STAT6: variants seen among roughly 807,000 people sequenced by gnomAD.
The protein encoded by STAT6 is signal transducer and activator of transcription 6, also known as STAT, interleukin4-induced.
A neutral mutation model predicts 106.3 loss-of-function variants in STAT6; 45 were observed. The observed-to-expected ratio is 0.42, with a 90% confidence interval of 0.33 to 0.54. The LOEUF (loss-of-function observed/expected upper bound fraction) is 0.54, where lower values mean the gene tolerates loss of function less well. Among genes scored for constraint, STAT6 ranks in the 20% least tolerant of loss-of-function variants. The pLI, the probability that STAT6 is intolerant of heterozygous loss-of-function variation, is 0.06. For missense variants in STAT6, 797 were observed against 1,062.2 expected (o/e 0.75, Z 3.47); for synonymous variants, 413 against 413.6 (o/e 1.00, Z 0.02).
Position 57,098,547 on chromosome 12 carries a change from AG to A in STAT6, c.2116del (p.Leu706SerfsTer27). 1 of 1,614,054 alleles carries A rather than the reference AG, an allele frequency of 6.2e-7. No individual in the cohort carries two copies. The highest frequency in any genetic ancestry group is 8.5e-7 in the Non-Finnish European group (1 of 1,180,024). On this transcript the variant is annotated frameshift_variant, in exon 19 of 22. Transcript: ENST00000300134. LOFTEE classifies it high-confidence loss of function. ...CACGTTGACTGATTCTTCTGGGGAG[AG>A]GCCTTGATACGGGGGGATGGAGTGA... Reference protein sequence around the residue: ...HSHSIPPYQGLSPEESVNVLS... With the variant: ...HSHSIPPYQGXSPEESVNVLS...
At position 57,100,644 on chromosome 12, in the gene STAT6, GAAAGAAAGAA is replaced by G. The variant is rs767148879; in HGVS notation, c.1513-564_1513-555del. On this transcript the variant is annotated intron_variant, in intron 13 of 21. Transcript: ENST00000300134. ...AAAAAGAGAGAAAGAGAAAGAGAAA[GAAAGAAAGAA>G]AGAAAGAAAGAAAGAAAGAAAGAAA... Among the ~76,000 whole-genome samples, 19 of 80,976 alleles carry G rather than the reference GAAAGAAAGAA, an allele frequency of 2.3e-4. 1 individual carries two copies. Among genetic ancestry groups the G allele is most frequent in the East Asian group, 6.9e-4 (2 of 2,898 alleles). 53.1% of individuals were successfully genotyped at this position (80,976 alleles called of 152,430 possible).
At chr12:57,097,577 A>G (rs2033528801) in intron 19 of STAT6, among the ~76,000 whole-genome samples, 1 of 152,232 alleles carries the variant, frequency 6.6e-6, no homozygotes, top group Non-Finnish European at 1.5e-5. Flanking sequence ...AATAACAGTC[A>G]TGCACCACAT....
chr12:57,102,263 G>A (rs765697433), intron 13 of STAT6, 27 bp downstream of exon 13: 2 of 1,612,242 alleles, frequency 1.2e-6, no homozygotes, highest in Admixed American at 1.7e-5. Flanking sequence ...GCTTGGGGGT[G>A]GGAGGTCCAA....
At chr12:57,100,712 A>AAGAAAGAAAG (rs2033850111) in intron 13 of STAT6, 1 of 60,012 alleles carries the variant, frequency 1.7e-5, no homozygotes, top group East Asian at 4.0e-4. Flanking sequence ...GAAAGAAAGA[A>AAGAAAGAAAG]AGAAAGAAAG....
rs1224577652 is a variant in STAT6 at position 57,107,700 on chromosome 12, T to C, written c.160A>G (p.Ser54Gly). ...GSDAFCCNLA[S>G]ALLSDTVQHL... ...TGGACAGTGTCTGAAAGTAGGGCAC[T>C]AGCCAAGTTGCAGCAGAAGGCGTCG... is the stretch of plus-strand genomic sequence containing the variant. Residue 54 changes from serine (S) to glycine (G), a missense_variant, in exon 3 of 22, where the codon AGT becomes GGT. Coordinates refer to ENST00000300134, the MANE Select transcript of STAT6 (RefSeq NM_003153.5). 2 of 1,613,942 alleles carry C rather than the reference T, an allele frequency of 1.2e-6. No homozygotes were observed. The highest frequency in any genetic ancestry group is 2.7e-5 in the African/African-American group (2 of 74,934).
At position 57,099,759 on chromosome 12, in the gene STAT6, G is replaced by A; in HGVS notation, c.1744+8C>T. 6.2e-7 allele frequency: 1 copy of A among 1,612,290 alleles called. No homozygotes were observed. Among genetic ancestry groups the A allele is most frequent in the Non-Finnish European group, 8.5e-7 (1 of 1,179,388 alleles). ...ACAGAGACAGAGGACTGGCTGGGGT[G>A]GCCTCACCATCCTGGCCCCGGATGA... On this transcript the variant is annotated splice_region_variant and intron_variant, in intron 15 of 21. Coordinates refer to ENST00000300134, the MANE Select transcript of STAT6 (RefSeq NM_003153.5). The surrounding 1 kb of genome is among the most constrained non-coding windows in gnomAD (Gnocchi z 4.7).
chr12:57,109,123 A>G (rs1416031514), intron 1 of STAT6, among the ~76,000 whole-genome samples: 1 of 152,126 alleles, frequency 6.6e-6, no homozygotes, highest in South Asian at 2.1e-4. Flanking sequence ...AATGGCGTGA[A>G]CCTGGGGGGC....
intron 19 of STAT6, 123 bp downstream of exon 19, chr12:57,098,378 TGGAC>T: frequency 1.1e-6 from 1 of 950,464 alleles, no homozygotes. Flanking sequence ...CTCATTAGAG[TGGAC>T]AGAAGAGAAG....
intron 11 of STAT6, 185 bp from the exon 12 acceptor site, chr12:57,103,106 C>T (rs1810459392): frequency 2.0e-6 from 1 of 502,884 alleles, no homozygotes; most frequent in Non-Finnish European, 3.4e-6. Context: ...AGTGATCCTT[C>T]CACCTCAGCC....
intron 9 of STAT6, 46 bp downstream of exon 9, chr12:57,105,105 T>A (rs767830696): frequency 1.9e-6 from 3 of 1,567,244 alleles, no homozygotes; most frequent in Non-Finnish European, 2.6e-6. Context: ...GCTGCCTCCA[T>A]CACCCTAACA....
intron 12 of STAT6, 65 bp downstream of exon 12, chr12:57,102,764 T>C: frequency 7.4e-7 from 1 of 1,351,570 alleles, no homozygotes; most frequent in Non-Finnish European, 1.1e-6. Flanking sequence ...TCAGCAGGCC[T>C]GCACCACTGC....
At chr12:57,107,478 A>G (rs1397193162) in intron 3 of STAT6, 127 bp downstream of exon 3, 2 of 1,359,854 alleles carry the variant, frequency 1.5e-6, no homozygotes, top group African/African-American at 2.9e-5. Context: ...TTTGCCTGCT[A>G]GCTAGCAGTT....
intron 7 of STAT6, 41 bp downstream of exon 7, chr12:57,106,150 C>T (rs1288074808): frequency 6.2e-7 from 1 of 1,610,388 alleles, no homozygotes; most frequent in Non-Finnish European, 8.5e-7. Flanking sequence ...CAGCTGCCCA[C>T]CCCCAGCTTG....
chr12:57,107,105 C>A, intron 4 of STAT6, 126 bp downstream of exon 4: 7 of 1,130,266 alleles, frequency 6.2e-6, no homozygotes, highest in Non-Finnish European at 7.9e-6. Flanking sequence ...CTAGGAACCT[C>A]CTTTGGTCAT....
intron 19 of STAT6, 105 bp downstream of exon 19, chr12:57,098,400 G>C (rs2033590249): frequency 1.8e-6 from 2 of 1,119,196 alleles, no homozygotes; most frequent in Non-Finnish European, 2.7e-6. Flanking sequence ...AAGAAGACAG[G>C]CTGTTAGCAT....
At chr12:57,109,071 G>A (rs1196183108) in intron 1 of STAT6, among the ~76,000 whole-genome samples, 6 of 152,110 alleles carry the variant, frequency 3.9e-5, no homozygotes, top group South Asian at 2.1e-4. Flanking sequence ...GCGTGGTGGC[G>A]AGCGCCTGTA....
intron 12 of STAT6, among the ~76,000 whole-genome samples, 154 bp from the exon 13 acceptor site, chr12:57,102,650 G>A (rs1451497046): frequency 3.9e-5 from 6 of 152,134 alleles, no homozygotes; most frequent in African/African-American, 1.4e-4. Flanking sequence ...CAGTGCTGTG[G>A]CCTGATAGTT....
chr12:57,101,328 C>A (rs2033915646), intron 13 of STAT6, among the ~76,000 whole-genome samples: 1 of 150,826 alleles, frequency 6.6e-6, no homozygotes, highest in Non-Finnish European at 1.5e-5. Flanking sequence ...ACCTTGTGAT[C>A]CGCCCGCCTC....
At chr12:57,101,260 T>G (rs1241475227) in intron 13 of STAT6, among the ~76,000 whole-genome samples, 1 of 152,032 alleles carries the variant, frequency 6.6e-6, no homozygotes. Context: ...AGGTAATTTT[T>G]GTATTTTTAG....
Sources: allele counts gnomAD v4.1 joint callset (sites outside exome capture counted in the v4.1 genomes callset), GRCh38; gene constraint gnomAD v4.1.1; non-coding constraint Gnocchi (gnomAD v3.1); transcripts MANE v1.5; gene names NCBI Gene and HGNC (gene_info 2026-07-23, HGNC 2026-07-21).